NRXN3: variants seen among roughly 807,000 people sequenced by gnomAD.
NRXN3 encodes the protein neurexin 3.
A neutral mutation model predicts 137.6 loss-of-function variants in NRXN3; 32 were observed. The observed-to-expected ratio is 0.23, with a 90% confidence interval of 0.18 to 0.31. The LOEUF (loss-of-function observed/expected upper bound fraction) is 0.31. Among genes scored for constraint, NRXN3 ranks in the 10% least tolerant of loss-of-function variants. The probability of loss-of-function intolerance (pLI) is 1.00; values close to 1 mark genes in which losing one functional copy is unlikely to be tolerated. For synonymous variants in NRXN3, 798 were observed against 784.5 expected (o/e 1.02, Z -0.29); for missense variants, 1,574 against 2,062.5 (o/e 0.76, Z 4.59).
At position 78,698,386 on chromosome 14, in the gene NRXN3, C is replaced by T. The variant is rs141407423; in HGVS notation, c.1222-10831C>T. On this transcript the variant is annotated intron_variant, in intron 6 of 20. Coordinates refer to ENST00000335750, the MANE Select transcript of NRXN3 (RefSeq NM_001330195.2). ...TTTCTACAAAAGCTGTTTGGCATGC[C>T]TATTGTCATCTATTTTCTTTCAGAG... 27 of 152,070 alleles carry T rather than the reference C, an allele frequency of 1.8e-4. 1 individual carries two copies. The East Asian group carries it at 5.2e-3, about 29-fold the overall frequency. 9.4% of individuals were successfully genotyped at this position (152,070 alleles called of 1,614,324 possible).
At chr14:79,678,710 C>T (rs545596496) in intron 17 of NRXN3, among the ~76,000 whole-genome samples, 31 of 152,254 alleles carry the variant, frequency 2.0e-4, no homozygotes, top group East Asian at 1.9e-4. Context: ...GTCCTAATTA[C>T]ACCTTATACT....
At chr14:79,016,762 A>C (rs1165021490) in intron 15 of NRXN3, among the ~76,000 whole-genome samples, 4 of 152,204 alleles carry the variant, frequency 2.6e-5, no homozygotes, top group African/African-American at 4.8e-5. Context: ...TATAATTAAT[A>C]GCATTTCTTC....
At chr14:79,022,382 T>A (rs2099591238) in intron 15 of NRXN3, among the ~76,000 whole-genome samples, 1 of 152,178 alleles carries the variant, frequency 6.6e-6, no homozygotes, top group Non-Finnish European at 1.5e-5. Flanking sequence ...TTAGGTTCTG[T>A]AATAGTCACT....
chr14:79,692,125 T>G, intron 17 of NRXN3, 48 bp from the exon 18 acceptor site: 3 of 1,416,616 alleles, frequency 2.1e-6, no homozygotes, highest in Non-Finnish European at 2.9e-6. Context: ...TTTTAATGAC[T>G]TATTGACTTT....
At chr14:78,842,523 G>C (rs372034015) in intron 10 of NRXN3, among the ~76,000 whole-genome samples, 6 of 152,192 alleles carry the variant, frequency 3.9e-5, no homozygotes, top group Admixed American at 1.3e-4. Context: ...CCACAGGACT[G>C]GGGCAAAATT....
intron 1 of NRXN3, among the ~76,000 whole-genome samples, chr14:78,221,211 A>T (rs949275842): frequency 1.3e-4 from 20 of 152,068 alleles, no homozygotes; most frequent in African/African-American, 4.8e-4. Context: ...TATGGGAGGG[A>T]TGATAGACTG....
intron 4 of NRXN3, among the ~76,000 whole-genome samples, chr14:78,452,745 A>T (rs2094580636): frequency 6.6e-6 from 1 of 152,204 alleles, no homozygotes; most frequent in African/African-American, 2.4e-5. Context: ...TGGCAGTTGC[A>T]GCTTAAGCAC....
At chr14:79,572,877 T>G (rs2097622164) in intron 16 of NRXN3, 1 of 152,152 alleles carries the variant, frequency 6.6e-6, no homozygotes, top group Non-Finnish European at 1.5e-5. Flanking sequence ...CTTTGCAACT[T>G]CAAGAATGAA....
At chr14:79,483,972 A>C (rs560319663) in intron 16 of NRXN3, among the ~76,000 whole-genome samples, 1 of 152,174 alleles carries the variant, frequency 6.6e-6, no homozygotes, top group Non-Finnish European at 1.5e-5. Flanking sequence ...GTGGGTGTCC[A>C]TATGGAAGTC....
intron 1 of NRXN3, among the ~76,000 whole-genome samples, chr14:78,171,748 T>A (rs982278106): frequency 2.1e-5 from 3 of 141,000 alleles, no homozygotes; most frequent in Non-Finnish European, 3.0e-5. Context: ...TAAAAAAAAA[T>A]AAAATTTTCC....
intron 4 of NRXN3, among the ~76,000 whole-genome samples, chr14:78,583,173 C>T (rs1320754556): frequency 1.3e-5 from 2 of 152,058 alleles, no homozygotes; most frequent in African/African-American, 4.8e-5. Flanking sequence ...TCAATTCCAA[C>T]AGAAGTCCAG....
chr14:78,563,171 C>A (rs2096803181), intron 4 of NRXN3, among the ~76,000 whole-genome samples: 1 of 152,112 alleles, frequency 6.6e-6, no homozygotes, highest in Non-Finnish European at 1.5e-5. Flanking sequence ...GAAAACCAGG[C>A]AGAAAAAATA....
At chr14:78,376,326 A>G (rs995425623) in intron 4 of NRXN3, among the ~76,000 whole-genome samples, 2 of 152,222 alleles carry the variant, frequency 1.3e-5, no homozygotes, top group African/African-American at 4.8e-5. Flanking sequence ...AAATTGTTGG[A>G]ATGCATAATG....
intron 4 of NRXN3, among the ~76,000 whole-genome samples, chr14:78,453,031 C>T (rs2094588116): frequency 6.6e-6 from 1 of 152,026 alleles, no homozygotes; most frequent in Non-Finnish European, 1.5e-5. Flanking sequence ...TAAAGTGACC[C>T]AGAACAAGCC....
chr14:79,667,485 AC>A (rs1260321765), intron 17 of NRXN3, among the ~76,000 whole-genome samples: 1 of 152,060 alleles, frequency 6.6e-6, no homozygotes, highest in Non-Finnish European at 1.5e-5. Context: ...ATGGGGCTCT[AC>A]TGAAACATCC....
intron 15 of NRXN3, among the ~76,000 whole-genome samples, chr14:79,236,283 A>G (rs12590031): frequency 0.013 from 1,949 of 152,216 alleles, 30 homozygotes; most frequent in South Asian, 0.033. Flanking sequence ...CTAGGCATTA[A>G]ATATTTATAT....
At chr14:78,338,609 C>A (rs1259306986) in intron 4 of NRXN3, among the ~76,000 whole-genome samples, 1 of 152,150 alleles carries the variant, frequency 6.6e-6, no homozygotes, top group African/African-American at 2.4e-5. Context: ...AGTGGGACAA[C>A]CGACCCACTC....
Position 79,125,813 on chromosome 14 carries a change from G to A in NRXN3, c.3262+137672G>A, listed in dbSNP as rs565031888. On this transcript the variant is annotated intron_variant, in intron 15 of 20. Coordinates refer to ENST00000335750, the MANE Select transcript of NRXN3 (RefSeq NM_001330195.2). ...TTTTTGCTCGTCTTTTTCATCTCTCGCTGATGATTGTCAACTGCAATGACA... is the reference window on the plus strand; with the variant it reads ...TTTTTGCTCGTCTTTTTCATCTCTCACTGATGATTGTCAACTGCAATGACA... Among the ~76,000 whole-genome samples the A allele has an allele frequency of 1.5e-3, 224 of 151,772 alleles. 1 individual carries two copies. The highest frequency in any genetic ancestry group is 3.0e-3 in the Admixed American group (45 of 15,218).
chr14:78,269,351 A>G (rs2072329806), intron 2 of NRXN3, among the ~76,000 whole-genome samples: 2 of 152,226 alleles, frequency 1.3e-5, no homozygotes, highest in African/African-American at 4.8e-5. Context: ...TAAAAAGACA[A>G]ACACTGTGTG....
Sources: gnomAD v4.1 joint callset for allele counts (sites outside exome capture counted in the v4.1 genomes callset) on GRCh38, gnomAD v4.1.1 for gene constraint, MANE v1.5 for transcripts, NCBI Gene and HGNC (gene_info 2026-07-23, HGNC 2026-07-21) for gene names.